ODAD2: variants seen among roughly 807,000 people sequenced by gnomAD.
The protein encoded by ODAD2 is outer dynein arm-docking complex subunit 2.
In ODAD2, 89 loss-of-function variants were observed where a neutral mutation model predicts 106.8. That is an observed-to-expected ratio of 0.83 (90% CI 0.70 to 0.99). ODAD2 has a LOEUF of 0.99. ODAD2 is among the 50% of genes least tolerant of loss of function. ODAD2 has a pLI of 0.00. For synonymous variants in ODAD2, 404 were observed against 436.2 expected (o/e 0.93, Z 0.92); for missense variants, 1,168 against 1,238.5 (o/e 0.94, Z 0.85).
chr10:27,928,782 A>G (rs1316513573), intron 16 of ODAD2, among the ~76,000 whole-genome samples: 1 of 152,078 alleles, frequency 6.6e-6, no homozygotes, highest in Non-Finnish European at 1.5e-5. Context: ...AATTGAACCT[A>G]TTTCTACCGC....
rs143242599 is a variant in ODAD2, at chr10:27,880,641, G to A, written c.2611-18019C>T. ...GCCTTTATAAAAGAGGCTACACATA[G>A]CAAGAGGCCCTATTGCCCTTCCCCA... is the stretch of plus-strand genomic sequence containing the variant. On this transcript the variant is annotated intron_variant, in intron 17 of 19. Transcript: ENST00000305242. Among the ~76,000 whole-genome samples, 23 of 152,276 alleles carry A rather than the reference G, an allele frequency of 1.5e-4. No individual in the cohort carries two copies. The East Asian group carries it at 3.9e-3, about 26-fold the overall frequency.
chr10:27,981,048 T>C (rs940044656), intron 7 of ODAD2, among the ~76,000 whole-genome samples: 4 of 152,134 alleles, frequency 2.6e-5, no homozygotes, highest in Non-Finnish European at 4.4e-5. Context: ...GAAAACACTA[T>C]GCTAAGTGAA....
Position 27,860,814 on chromosome 10 carries a change from T to G in ODAD2, c.2832A>C (p.Glu944Asp). ...CCCACATACAGCAACGTGAAATAGC[T>G]TCTGCTAGATGATGTCTCAATTTAT... ...NNNKLRHHLAEAISRCCMWGR... is the reference protein window; with the variant it reads ...NNNKLRHHLADAISRCCMWGR... The change falls in exon 19 of 20, where the codon GAA becomes GAC. Residue 944 changes from glutamate to aspartate, a missense_variant. Physicochemically the swap from Glu to Asp is conservative, Grantham distance 45 (BLOSUM62 2). Transcript: ENST00000305242. The G allele has an allele frequency of 6.2e-7, 1 of 1,614,170 alleles. No individual in the cohort carries two copies. The highest frequency in any genetic ancestry group is 1.6e-4 in the Middle Eastern group (1 of 6,062).
Position 27,998,794 on chromosome 10 carries a change from C to T in ODAD2, c.-39+200G>A, listed in dbSNP as rs1469864130. Among the ~76,000 whole-genome samples, 4 of 152,244 alleles carry T rather than the reference C, an allele frequency of 2.6e-5. No individual in the cohort carries two copies. In the East Asian group the frequency reaches 7.8e-4, roughly 30 times the overall value. On this transcript the variant is annotated intron_variant, in intron 1 of 19. Coordinates refer to ENST00000305242, the MANE Select transcript of ODAD2 (RefSeq NM_018076.5). ...GGGGGTGAGCGTGGAGACCCCCAGC[C>T]GCACTCACCTGCAGCACCCTGCCCC...
intron 17 of ODAD2, among the ~76,000 whole-genome samples, chr10:27,882,248 T>A (rs1360653213): frequency 7.1e-6 from 1 of 141,280 alleles, no homozygotes; most frequent in African/African-American, 2.6e-5. Flanking sequence ...ATGAACTCTC[T>A]GATCTCATTC....
At chr10:27,937,214 G>T (rs74372380) in intron 14 of ODAD2, among the ~76,000 whole-genome samples, 3,582 of 152,300 alleles carry the variant, frequency 0.024, 119 homozygotes, top group African/African-American at 0.072. Flanking sequence ...CTGCAGTGAT[G>T]CAACTCAGAG....
intron 6 of ODAD2, among the ~76,000 whole-genome samples, chr10:27,982,289 C>A (rs1377011889): frequency 6.6e-6 from 1 of 151,900 alleles, no homozygotes; most frequent in Non-Finnish European, 1.5e-5. Flanking sequence ...GTGTTTTAAA[C>A]TTTGTTGTAA....
At chr10:27,875,259 A>C (rs1307276593) in intron 17 of ODAD2, among the ~76,000 whole-genome samples, 1 of 152,102 alleles carries the variant, frequency 6.6e-6, no homozygotes. Flanking sequence ...CCTTCATCTA[A>C]TCTTTTTTTG....
chr10:27,907,318 A>T (rs1843670200), intron 17 of ODAD2, among the ~76,000 whole-genome samples: 3 of 152,194 alleles, frequency 2.0e-5, no homozygotes, highest in Admixed American at 1.3e-4. Flanking sequence ...CCATGGCTGC[A>T]CTCTCTCTGG....
intron 7 of ODAD2, among the ~76,000 whole-genome samples, chr10:27,974,085 G>A (rs1168660361): frequency 6.6e-6 from 1 of 152,112 alleles, no homozygotes; most frequent in Non-Finnish European, 1.5e-5. Flanking sequence ...GTCTTCTTTT[G>A]AAAAGTATCT....
intron 17 of ODAD2, among the ~76,000 whole-genome samples, chr10:27,877,338 C>T (rs1021618592): frequency 2.0e-5 from 3 of 152,056 alleles, no homozygotes; most frequent in South Asian, 4.2e-4. Context: ...GCCTCTGATC[C>T]AAGAACTTCC....
intron 9 of ODAD2, among the ~76,000 whole-genome samples, chr10:27,964,357 G>A (rs1848353812): frequency 6.6e-6 from 1 of 152,148 alleles, no homozygotes; most frequent in South Asian, 2.1e-4. Context: ...GTGTGCCTCG[G>A]TTTCCTCACC....
At chr10:27,919,977 T>A (rs181223701) in intron 16 of ODAD2, among the ~76,000 whole-genome samples, 4 of 152,240 alleles carry the variant, frequency 2.6e-5, no homozygotes, top group African/African-American at 9.6e-5. Context: ...TAAAACACTC[T>A]ATGCTTTCAT....
intron 19 of ODAD2, among the ~76,000 whole-genome samples, chr10:27,824,416 C>T (rs1319092843): frequency 6.6e-6 from 1 of 152,122 alleles, no homozygotes; most frequent in East Asian, 1.9e-4. Flanking sequence ...TAAGTTTGGC[C>T]CCCATCTGCT....
intron 18 of ODAD2, 58 bp from the exon 19 acceptor site, chr10:27,860,904 T>C (rs1839998930): frequency 4.2e-6 from 6 of 1,441,160 alleles, no homozygotes; most frequent in Admixed American, 1.7e-5. Flanking sequence ...CAAGATCATG[T>C]CTATAAGCAC....
intron 7 of ODAD2, among the ~76,000 whole-genome samples, chr10:27,971,886 G>C (rs537940666): frequency 2.6e-4 from 39 of 152,148 alleles, no homozygotes; most frequent in Middle Eastern, 3.4e-3. Context: ...CAAAAACAGA[G>C]AATTCACTGC....
At chr10:27,945,204 T>C (rs1846811781) in intron 10 of ODAD2, among the ~76,000 whole-genome samples, 1 of 152,216 alleles carries the variant, frequency 6.6e-6, no homozygotes. Flanking sequence ...TCAGGTGGTA[T>C]TCATCTATTA....
At chr10:27,902,226 A>G (rs748573688) in intron 17 of ODAD2, among the ~76,000 whole-genome samples, 1 of 152,216 alleles carries the variant, frequency 6.6e-6, no homozygotes, top group Non-Finnish European at 1.5e-5. Context: ...TAACGAAATT[A>G]AGGCAGAAAT....
At chr10:27,994,031 A>T (rs1323014011) in intron 2 of ODAD2, among the ~76,000 whole-genome samples, 2 of 150,032 alleles carry the variant, frequency 1.3e-5, no homozygotes, top group East Asian at 3.9e-4. Flanking sequence ...TACTTATTGT[A>T]TAATTATAAT....
Sources: allele counts gnomAD v4.1 joint callset (sites outside exome capture counted in the v4.1 genomes callset), GRCh38; gene constraint gnomAD v4.1.1; transcripts MANE v1.5; gene names NCBI Gene and HGNC (gene_info 2026-07-23, HGNC 2026-07-21).